Variants in TMTC1 observed in about 807,000 individuals in gnomAD.
TMTC1 encodes the protein protein O-mannosyl-transferase TMTC1.
TMTC1 carries 73 observed loss-of-function variants against 104.8 expected under a neutral mutation model. The ratio of observed to expected loss-of-function variants is 0.70; its 90% confidence interval spans 0.58 to 0.85. The LOEUF (loss-of-function observed/expected upper bound fraction) is 0.85. TMTC1 is among the 40% of genes least tolerant of loss of function. The probability of loss-of-function intolerance (pLI) is 0.00; values close to 1 mark genes in which losing one functional copy is unlikely to be tolerated. For synonymous variants in TMTC1, 434 were observed against 428.7 expected (o/e 1.01, Z -0.15); for missense variants, 1,035 against 1,096.1 (o/e 0.94, Z 0.79).
chr12:29,657,956 A>G (rs912065052), intron 5 of TMTC1, among the ~76,000 whole-genome samples: 1 of 152,004 alleles, frequency 6.6e-6, no homozygotes, highest in Non-Finnish European at 1.5e-5. Context: ...AAATAAAAAA[A>G]TTAGCATGTG....
chr12:29,688,823 C>A (rs1174589003), intron 5 of TMTC1, among the ~76,000 whole-genome samples: 1 of 151,940 alleles, frequency 6.6e-6, no homozygotes, highest in Non-Finnish European at 1.5e-5. Context: ...CAACCCCCAA[C>A]CCCCTCCCCT....
intron 5 of TMTC1, among the ~76,000 whole-genome samples, chr12:29,639,329 G>A (rs1355047256): frequency 6.6e-6 from 1 of 152,192 alleles, no homozygotes; most frequent in Admixed American, 6.5e-5. Context: ...TAGGTGGAGA[G>A]ATGGGAGATA....
At position 29,504,154 on chromosome 12, in the gene TMTC1, A is replaced by G. The variant is rs1943651037; in HGVS notation, c.*2692T>C. The G allele has an allele frequency of 6.6e-6, 1 of 151,844 alleles. No individual in the cohort carries two copies. Among genetic ancestry groups the G allele is most frequent in the African/African-American group, 2.4e-5 (1 of 41,306 alleles). The allele number at this position is 151,844 out of a possible 1,614,324, so 9.4% of individuals were successfully genotyped here. A position where few individuals can be genotyped will look rare whatever the true frequency, so the allele number is the denominator to read the frequency against. ...CTGAGCTCGGGGTGCTTCTGTATGCAAGGCCCTGTGGGACTGCAAAAATTG... is the reference window on the plus strand; with the variant it reads ...CTGAGCTCGGGGTGCTTCTGTATGCGAGGCCCTGTGGGACTGCAAAAATTG... On this transcript the variant is annotated 3_prime_UTR_variant, in exon 18 of 18. Coordinates refer to ENST00000539277, the MANE Select transcript of TMTC1 (RefSeq NM_001193451.2).
Position 29,574,412 on chromosome 12 carries a change from G to C in TMTC1, c.1419-2194C>G, listed in dbSNP as rs1185198679. 2.6e-5 allele frequency among the ~76,000 whole-genome samples: 4 copies of C among 152,190 alleles called. No homozygotes were observed. The East Asian group carries it at 7.7e-4, about 29-fold the overall frequency. On this transcript the variant is annotated intron_variant, in intron 8 of 17. Transcript: ENST00000539277. ...AATTATTCTACAGATAAGAAAATGA[G>C]GCTTTTCTCAGAGACATTAAAAACC... is the stretch of plus-strand genomic sequence containing the variant.
chr12:29,616,720 A>G (rs1202374159), intron 6 of TMTC1, among the ~76,000 whole-genome samples: 1 of 151,288 alleles, frequency 6.6e-6, no homozygotes, highest in Non-Finnish European at 1.5e-5. Context: ...CTTTGTAGAG[A>G]TGAAGAATAA....
At chr12:29,755,349 G>A (rs1036253189) in intron 4 of TMTC1, among the ~76,000 whole-genome samples, 1 of 152,206 alleles carries the variant, frequency 6.6e-6, no homozygotes, top group East Asian at 1.9e-4. Context: ...TTCAAAGCAA[G>A]CTGTGAAAAA....
chr12:29,783,616 GC>G lies in TMTC1; in HGVS notation c.135del (p.Gln46ArgfsTer13). 1 of 1,469,530 alleles carries G rather than the reference GC, an allele frequency of 6.8e-7. No homozygotes were observed. The highest frequency in any genetic ancestry group is 9.0e-7 in the Non-Finnish European group (1 of 1,113,580). The allele number at this position is 1,469,530 out of a possible 1,614,324, so 91.0% of individuals were successfully genotyped here. On this transcript the variant is annotated frameshift_variant, in exon 1 of 18. Transcript: ENST00000539277. LOFTEE classifies it high-confidence loss of function. This position sits in a 1 kb window ranked among gnomAD's most constrained non-coding sequence, Gnocchi z 4.7. ...GASCLCYGRS[L>X]QGEFVHDDVW... The stretch of plus-strand genomic sequence containing the variant: ...ACGTCGTCGTGCACGAACTCGCCCT[GC>G]AGGGAGCGGCCGTAGCACAGGCAGC...
At chr12:29,543,188 A>G (rs1459297016) in intron 10 of TMTC1, among the ~76,000 whole-genome samples, 1 of 152,188 alleles carries the variant, frequency 6.6e-6, no homozygotes, top group Non-Finnish European at 1.5e-5. Flanking sequence ...GTTACACAGC[A>G]TTGGGACTGT....
chr12:29,722,865 G>A (rs1241868168), intron 5 of TMTC1, among the ~76,000 whole-genome samples: 1 of 144,072 alleles, frequency 6.9e-6, no homozygotes, highest in Non-Finnish European at 1.5e-5. Context: ...AGGTTGCAGT[G>A]AGCTGAGATC....
intron 9 of TMTC1, among the ~76,000 whole-genome samples, chr12:29,560,715 A>G (rs1032477904): frequency 1.3e-5 from 2 of 152,230 alleles, no homozygotes; most frequent in African/African-American, 4.8e-5. Flanking sequence ...GATAAACAAT[A>G]TCCATTTAAG....
rs1943660628 is a variant in TMTC1 at position 29,504,653 on chromosome 12, A to G, written c.*2193T>C. On this transcript the variant is annotated 3_prime_UTR_variant, in exon 18 of 18. Transcript: ENST00000539277. ...AGGAAAGCACCTACAGGAGGCAGAG[A>G]GTTTCCTGAAGGTCATGTGATCCTT... 1 of 152,194 alleles carries G rather than the reference A, an allele frequency of 6.6e-6. No individual in the cohort carries two copies. Among genetic ancestry groups the G allele is most frequent in the Non-Finnish European group, 1.5e-5 (1 of 68,030 alleles). The allele number at this position is 152,194 out of a possible 1,614,324, so 9.4% of individuals were successfully genotyped here.
At chr12:29,526,321 C>G (rs1461109632) in intron 11 of TMTC1, among the ~76,000 whole-genome samples, 1 of 152,142 alleles carries the variant, frequency 6.6e-6, no homozygotes, top group Non-Finnish European at 1.5e-5. Flanking sequence ...ATGCTTAATA[C>G]TGAATTTAGA....
At chr12:29,601,991 G>A (rs143592267) in intron 7 of TMTC1, among the ~76,000 whole-genome samples, 2,426 of 151,512 alleles carry the variant, frequency 0.016, 66 homozygotes, top group African/African-American at 0.055. Context: ...GCCCGCCACC[G>A]TGCCTGGCTA....
intron 6 of TMTC1, among the ~76,000 whole-genome samples, chr12:29,621,811 AG>A (rs1937684396): frequency 6.6e-6 from 1 of 152,152 alleles, no homozygotes; most frequent in South Asian, 2.1e-4. Context: ...ACAGGCATGA[AG>A]GGAGATCCCT....
intron 10 of TMTC1, among the ~76,000 whole-genome samples, chr12:29,548,175 G>A (rs1037909570): frequency 3.9e-5 from 6 of 152,236 alleles, no homozygotes; most frequent in African/African-American, 1.4e-4. Context: ...AGACCTAAGA[G>A]AGAGCCTGTG....
At chr12:29,624,239 C>A (rs1371760967) in intron 6 of TMTC1, among the ~76,000 whole-genome samples, 2 of 152,080 alleles carry the variant, frequency 1.3e-5, no homozygotes, top group Non-Finnish European at 2.9e-5. Flanking sequence ...CTTGGCCTCC[C>A]AAAGTGCTGG....
intron 10 of TMTC1, among the ~76,000 whole-genome samples, chr12:29,550,662 C>G (rs1354362441): frequency 6.6e-6 from 1 of 151,976 alleles, no homozygotes; most frequent in Non-Finnish European, 1.5e-5. Context: ...TTGGTAAATG[C>G]TAAGGTAGAG....
chr12:29,523,693 G>T (rs909649392), intron 11 of TMTC1, among the ~76,000 whole-genome samples: 2 of 152,160 alleles, frequency 1.3e-5, no homozygotes, highest in Non-Finnish European at 2.9e-5. Context: ...AGTGAGCTTT[G>T]TAAGATGGTT....
chr12:29,560,346 C>A (rs745409330), intron 9 of TMTC1, among the ~76,000 whole-genome samples: 1 of 152,064 alleles, frequency 6.6e-6, no homozygotes, highest in African/African-American at 2.4e-5. Flanking sequence ...TATGAAGATT[C>A]TTTTGCTATT....
Sources: gnomAD v4.1 joint callset for allele counts (sites outside exome capture counted in the v4.1 genomes callset) on GRCh38, gnomAD v4.1.1 for gene constraint, Gnocchi (gnomAD v3.1) non-coding constraint, MANE v1.5 for transcripts, NCBI Gene and HGNC (gene_info 2026-07-23, HGNC 2026-07-21) for gene names.